Variants in GMDS observed in about 807,000 individuals in gnomAD.
GMDS encodes GDP-mannose 4,6 dehydratase.
Under a neutral mutation model 49.9 loss-of-function variants are expected in GMDS, and 20 were observed. The ratio of observed to expected loss-of-function variants is 0.40; its 90% CI spans 0.28 to 0.58. The LOEUF (loss-of-function observed/expected upper bound fraction) is 0.58, where lower values mean the gene tolerates loss of function less well. Ranked by LOEUF, GMDS falls within the 20% of genes least tolerant of loss-of-function variation. The pLI, the probability that GMDS is intolerant of heterozygous loss-of-function variation, is 0.42. For synonymous variants in GMDS, 177 were observed against 178.6 expected, an observed-to-expected ratio of 0.99 and a Z score of 0.07; for missense variants, 362 against 481.4, an observed-to-expected ratio of 0.75 and a Z score of 2.32.
At chr6:2,016,424 G>GA (rs1767905709) in intron 4 of GMDS, among the ~76,000 whole-genome samples, 2 of 152,122 alleles carry the variant, frequency 1.3e-5, no homozygotes, top group Non-Finnish European at 2.9e-5. Flanking sequence ...AATGTACATG[G>GA]ACCCAATAAT....
At chr6:2,162,152 T>C (rs1414735800) in intron 1 of GMDS, among the ~76,000 whole-genome samples, 9 of 152,318 alleles carry the variant, frequency 5.9e-5, no homozygotes, top group African/African-American at 2.2e-4. Flanking sequence ...CACACCAAGA[T>C]ATACATTCCA....
Position 1,886,201 on chromosome 6 carries a change from T to C in GMDS, c.771+43902A>G, listed in dbSNP as rs115266192. Among the ~76,000 whole-genome samples the C allele has an allele frequency of 8.7e-3, 1,318 of 152,286 alleles. 20 individuals are homozygous for C. The highest frequency in any genetic ancestry group is 0.03 in the African/African-American group (1,237 of 41,552). ...CTTAGCATACTTCCATCAAGTTCAATCTCCATTAGAAATCCACTGGGCATA... is the reference window on the plus strand; with the variant it reads ...CTTAGCATACTTCCATCAAGTTCAACCTCCATTAGAAATCCACTGGGCATA... On this transcript the variant is annotated intron_variant, in intron 7 of 10. Coordinates refer to ENST00000380815, the MANE Select transcript of GMDS (RefSeq NM_001500.4).
At position 1,833,380 on chromosome 6, in the gene GMDS, C is replaced by T. The variant is rs1002787635; in HGVS notation, c.772-90794G>A. On this transcript the variant is annotated intron_variant, in intron 7 of 10. Coordinates refer to ENST00000380815, the MANE Select transcript of GMDS (RefSeq NM_001500.4). This position sits in a 1 kb window ranked among gnomAD's most constrained non-coding sequence, Gnocchi z 4.4. ...GTGTCAGGATAAAACATGAGAACAGCATCTGTCCTCAGAGACCAAGCAGAG... is the reference window on the plus strand; with the variant it reads ...GTGTCAGGATAAAACATGAGAACAGTATCTGTCCTCAGAGACCAAGCAGAG... 3.9e-5 allele frequency among the ~76,000 whole-genome samples: 6 copies of T among 151,944 alleles called. No individual in the cohort carries two copies. Among genetic ancestry groups the T allele is most frequent in the Non-Finnish European group, 7.4e-5 (5 of 67,992 alleles).
chr6:1,784,650 T>C (rs1161398467), intron 7 of GMDS, among the ~76,000 whole-genome samples: 1 of 152,184 alleles, frequency 6.6e-6, no homozygotes, highest in Non-Finnish European at 1.5e-5. Context: ...CTCTGGGTCA[T>C]GTGATTGACA....
chr6:1,761,892 C>T (rs1432371108), intron 7 of GMDS, among the ~76,000 whole-genome samples: 1 of 151,724 alleles, frequency 6.6e-6, no homozygotes, highest in Non-Finnish European at 1.5e-5. Flanking sequence ...AAATTAAAAG[C>T]AACACTGGAG....
At chr6:1,693,093 C>A (rs2113341932) in intron 9 of GMDS, among the ~76,000 whole-genome samples, 1 of 152,326 alleles carries the variant, frequency 6.6e-6, no homozygotes, top group South Asian at 2.1e-4. Flanking sequence ...TCTGGAGCAG[C>A]CAGTGCCCCT....
At chr6:2,096,021 G>C (rs1773585294) in intron 4 of GMDS, among the ~76,000 whole-genome samples, 1 of 152,130 alleles carries the variant, frequency 6.6e-6, no homozygotes. Context: ...CTGATAAAAA[G>C]TTAATAGGAA....
intron 4 of GMDS, among the ~76,000 whole-genome samples, chr6:2,050,075 T>A (rs1010132337): frequency 2.6e-5 from 4 of 151,954 alleles, no homozygotes; most frequent in African/African-American, 9.7e-5. Context: ...CTTTAAAAAA[T>A]CACTAAAACC....
intron 7 of GMDS, among the ~76,000 whole-genome samples, chr6:1,829,425 C>A (rs1426399371): frequency 2.0e-5 from 3 of 152,158 alleles, no homozygotes; most frequent in African/African-American, 4.8e-5. Context: ...GACCCTACAC[C>A]CAATTTGTTT....
At chr6:2,187,065 T>A (rs894501691) in intron 1 of GMDS, among the ~76,000 whole-genome samples, 1 of 152,230 alleles carries the variant, frequency 6.6e-6, no homozygotes, top group Non-Finnish European at 1.5e-5. Flanking sequence ...ATATTGTGTA[T>A]ATTGTATGAA....
intron 9 of GMDS, among the ~76,000 whole-genome samples, chr6:1,693,754 A>G (rs555304191): frequency 2.6e-5 from 4 of 152,316 alleles, no homozygotes; most frequent in Non-Finnish European, 5.9e-5. Flanking sequence ...GGAAAATAAA[A>G]TGGCAAAGAT....
At chr6:1,881,379 C>A (rs1402514306) in intron 7 of GMDS, among the ~76,000 whole-genome samples, 3 of 151,708 alleles carry the variant, frequency 2.0e-5, no homozygotes, top group Non-Finnish European at 4.4e-5. Context: ...TTCCTCTCCC[C>A]CAAAAAATCA....
chr6:1,696,001 G>A (rs530471481), intron 9 of GMDS, among the ~76,000 whole-genome samples: 3 of 148,402 alleles, frequency 2.0e-5, no homozygotes, highest in Non-Finnish European at 4.4e-5. Context: ...TTGAACCCAC[G>A]TGGACCAGCT....
intron 4 of GMDS, among the ~76,000 whole-genome samples, chr6:2,097,640 T>A (rs1273583999): frequency 1.3e-5 from 2 of 152,078 alleles, no homozygotes; most frequent in African/African-American, 2.4e-5. Context: ...TTCCAAGCAA[T>A]CCATCCATGT....
At chr6:2,179,833 A>C (rs1363786252) in intron 1 of GMDS, among the ~76,000 whole-genome samples, 1 of 152,056 alleles carries the variant, frequency 6.6e-6, no homozygotes, top group African/African-American at 2.4e-5. Context: ...GAAGCCCTGA[A>C]GTTTCTTATA....
intron 7 of GMDS, among the ~76,000 whole-genome samples, chr6:1,876,367 TA>T (rs1185006160): frequency 6.6e-6 from 1 of 152,190 alleles, no homozygotes; most frequent in Non-Finnish European, 1.5e-5. Context: ...AAGTGAAACA[TA>T]AAAGAGATAA....
rs1001303606 is a variant in GMDS, at chr6:1,982,437, CA to C, written c.346-21472del. Among the ~76,000 whole-genome samples the C allele has an allele frequency of 1.5e-4, 23 of 152,252 alleles. 1 individual carries two copies. Among genetic ancestry groups the C allele is most frequent in the Admixed American group, 9.8e-4 (15 of 15,300 alleles). The stretch of plus-strand genomic sequence containing the variant: ...GTATTCAAACAGGAAGAGATGAAAT[CA>C]AACTATCTTTGTTTGCAGATGACAT... On this transcript the variant is annotated intron_variant, in intron 4 of 10. Coordinates refer to ENST00000380815, the MANE Select transcript of GMDS (RefSeq NM_001500.4).
At chr6:1,800,835 G>T (rs1305413738) in intron 7 of GMDS, among the ~76,000 whole-genome samples, 3 of 152,172 alleles carry the variant, frequency 2.0e-5, no homozygotes, top group Non-Finnish European at 4.4e-5. Context: ...AAGTGGATGT[G>T]ATTCTGCATC....
chr6:1,943,164 A>AC (rs1762900398), intron 6 of GMDS, among the ~76,000 whole-genome samples: 1 of 151,654 alleles, frequency 6.6e-6, no homozygotes. Flanking sequence ...CTGTGTGCAG[A>AC]CCCCCCAGCA....
Sources: allele counts gnomAD v4.1 joint callset (sites outside exome capture counted in the v4.1 genomes callset), GRCh38; gene constraint gnomAD v4.1.1; non-coding constraint Gnocchi (gnomAD v3.1); transcripts MANE v1.5; gene names NCBI Gene and HGNC (gene_info 2026-07-23, HGNC 2026-07-21).